The following ACBD6 variants were observed in gnomAD, a reference collection of about 807,000 sequenced individuals.
ACBD6 encodes acyl-CoA-binding domain-containing protein 6.
In ACBD6, 28 loss-of-function variants were observed where a neutral mutation model predicts 37.2. The ratio of observed to expected loss-of-function variants is 0.75; its 90% CI spans 0.56 to 1.03. The LOEUF is 1.03. Ranked by LOEUF, ACBD6 falls within the 50% of genes least tolerant of loss-of-function variation. The pLI, the probability that ACBD6 is intolerant of heterozygous loss-of-function variation, is 0.00. For missense variants in ACBD6, 340 were observed against 337.4 expected, an observed-to-expected ratio of 1.01 and a Z score of -0.06; for synonymous variants, 113 against 126.8, an observed-to-expected ratio of 0.89 and a Z score of 0.73.
At chr1:180,482,004 A>G (rs934774215) in intron 3 of ACBD6, among the ~76,000 whole-genome samples, 8 of 152,174 alleles carry the variant, frequency 5.3e-5, no homozygotes, top group African/African-American at 1.9e-4. Flanking sequence ...ATATAACTTA[A>G]AGAAATATTC....
At chr1:180,360,068 G>C (rs1290695403) in intron 6 of ACBD6, among the ~76,000 whole-genome samples, 1 of 152,080 alleles carries the variant, frequency 6.6e-6, no homozygotes, top group Non-Finnish European at 1.5e-5. Flanking sequence ...TTGATAAAAA[G>C]AACTTTTTTA....
chr1:180,338,532 A>G (rs1651839198), intron 6 of ACBD6, among the ~76,000 whole-genome samples: 1 of 152,202 alleles, frequency 6.6e-6, no homozygotes, highest in Non-Finnish European at 1.5e-5. Context: ...TTAATTCAAG[A>G]TGGATTAAAG....
chr1:180,481,234 G>A (rs540883099), intron 3 of ACBD6, among the ~76,000 whole-genome samples: 4 of 126,904 alleles, frequency 3.2e-5, no homozygotes, highest in African/African-American at 5.0e-5. Context: ...CCATGAAGGC[G>A]CTTGTTTTTG....
intron 6 of ACBD6, among the ~76,000 whole-genome samples, chr1:180,350,753 C>T (rs935061371): frequency 3.3e-5 from 5 of 152,198 alleles, no homozygotes; most frequent in African/African-American, 9.6e-5. Context: ...TCTCCAACTA[C>T]GGTGCTCCCT....
chr1:180,485,943 C>CAA (rs545012657), intron 3 of ACBD6, among the ~76,000 whole-genome samples: 37 of 119,144 alleles, frequency 3.1e-4, no homozygotes, highest in African/African-American at 8.8e-4. Flanking sequence ...CTCCCAGTAG[C>CAA]AAAAAAAAAA....
At chr1:180,459,797 C>T (rs1650061659) in intron 3 of ACBD6, among the ~76,000 whole-genome samples, 2 of 152,002 alleles carry the variant, frequency 1.3e-5, no homozygotes, top group South Asian at 4.1e-4. Context: ...CAGATATATA[C>T]TCTTAAATTT....
At chr1:180,484,915 T>C (rs575695258) in intron 3 of ACBD6, among the ~76,000 whole-genome samples, 1 of 151,650 alleles carries the variant, frequency 6.6e-6, no homozygotes, top group East Asian at 1.9e-4. Flanking sequence ...AATACAAAAA[T>C]TAGCTGGGCG....
chr1:180,440,114 T>C (rs1027764260), intron 3 of ACBD6, among the ~76,000 whole-genome samples: 39 of 152,140 alleles, frequency 2.6e-4, no homozygotes, highest in African/African-American at 9.4e-4. Flanking sequence ...TTTATTTATT[T>C]ATTTTTATTT....
chr1:180,421,069 T>C (rs907252011), intron 4 of ACBD6, among the ~76,000 whole-genome samples: 1 of 152,270 alleles, frequency 6.6e-6, no homozygotes, highest in South Asian at 2.1e-4. Context: ...TTGCTACATA[T>C]GTAAATAGGT....
At chr1:180,334,169 G>A (rs1651604126) in intron 6 of ACBD6, among the ~76,000 whole-genome samples, 1 of 152,184 alleles carries the variant, frequency 6.6e-6, no homozygotes, top group South Asian at 2.1e-4. Context: ...AGAGAGTAGT[G>A]GTTCTCCCAG....
At chr1:180,314,043 G>T (rs1471009369) in intron 7 of ACBD6, among the ~76,000 whole-genome samples, 7 of 151,996 alleles carry the variant, frequency 4.6e-5, no homozygotes. Flanking sequence ...ATTAGATCAA[G>T]AAAATATTTC....
intron 6 of ACBD6, among the ~76,000 whole-genome samples, chr1:180,390,275 C>T (rs1348923834): frequency 6.7e-6 from 1 of 149,994 alleles, no homozygotes; most frequent in African/African-American, 2.4e-5. Flanking sequence ...TTCCCCATTG[C>T]TTGTTTTTCT....
At chr1:180,334,852 T>A (rs757703405) in intron 6 of ACBD6, among the ~76,000 whole-genome samples, 3 of 152,034 alleles carry the variant, frequency 2.0e-5, no homozygotes, top group Non-Finnish European at 4.4e-5. Context: ...GCACGAGAAC[T>A]ACGTGACGAA....
At chr1:180,357,432 T>C (rs1286602216) in intron 6 of ACBD6, among the ~76,000 whole-genome samples, 2 of 152,222 alleles carry the variant, frequency 1.3e-5, no homozygotes, top group Non-Finnish European at 2.9e-5. Flanking sequence ...GCAAAAGTTA[T>C]TGTTCAATTT....
intron 5 of ACBD6, among the ~76,000 whole-genome samples, chr1:180,408,009 T>C (rs910068118): frequency 9.2e-5 from 14 of 152,218 alleles, no homozygotes; most frequent in Non-Finnish European, 1.5e-4. Flanking sequence ...ATATACAGAC[T>C]GTCTCAACTG....
chr1:180,296,173 C>T (rs1297720562), intron 7 of ACBD6, among the ~76,000 whole-genome samples: 1 of 152,122 alleles, frequency 6.6e-6, no homozygotes, highest in East Asian at 1.9e-4. Flanking sequence ...CCACAACATC[C>T]CCTGAAGCCA....
chr1:180,498,547 A>G (rs1290144942), intron 1 of ACBD6, among the ~76,000 whole-genome samples: 5 of 152,178 alleles, frequency 3.3e-5, no homozygotes, highest in African/African-American at 1.2e-4. Flanking sequence ...GACTTGACTC[A>G]AGGGTTAATA....
intron 3 of ACBD6, among the ~76,000 whole-genome samples, chr1:180,480,040 G>A (rs552091022): frequency 9.2e-5 from 14 of 152,220 alleles, no homozygotes; most frequent in Admixed American, 2.0e-4. Context: ...CAGTCTGATA[G>A]TACTGGAATC....
chr1:180,484,674 A>T (rs976402135), intron 3 of ACBD6, among the ~76,000 whole-genome samples: 6 of 149,710 alleles, frequency 4.0e-5, no homozygotes, highest in Non-Finnish European at 9.0e-5. Context: ...TAATACATGT[A>T]TACACGTCTG....
Sources: gnomAD v4.1 joint callset for allele counts (sites outside exome capture counted in the v4.1 genomes callset) on GRCh38, gnomAD v4.1.1 for gene constraint, MANE v1.5 for transcripts, NCBI Gene and HGNC (gene_info 2026-07-23, HGNC 2026-07-21) for gene names.